The following RELN variants were observed in gnomAD, a reference collection of about 807,000 sequenced individuals.
The protein encoded by RELN is reelin.
A neutral mutation model predicts 427.6 loss-of-function variants in RELN; 108 were observed. That is an observed-to-expected ratio of 0.25 (90% confidence interval 0.22 to 0.30). RELN has a LOEUF of 0.30. Ranked by LOEUF, RELN falls within the 10% of genes least tolerant of loss-of-function variation. RELN has a pLI of 1.00. For synonymous variants in RELN, 1,524 were observed against 1,513.4 expected (o/e 1.01, Z -0.16); for missense variants, 3,715 against 4,302.8 (o/e 0.86, Z 3.82).
intron 2 of RELN, among the ~76,000 whole-genome samples, chr7:103,876,548 T>C (rs192255260): frequency 4.1e-4 from 63 of 152,324 alleles, no homozygotes; most frequent in African/African-American, 1.4e-3. Context: ...GTTTCTTCTA[T>C]TGACATTAGT....
intron 28 of RELN, among the ~76,000 whole-genome samples, chr7:103,580,453 G>T (rs1831104260): frequency 6.6e-6 from 1 of 152,208 alleles, no homozygotes; most frequent in Non-Finnish European, 1.5e-5. Context: ...TACATTGGGA[G>T]CCTCAAAGTA....
chr7:103,757,657 T>C (rs527859013), intron 4 of RELN, among the ~76,000 whole-genome samples: 13 of 152,278 alleles, frequency 8.5e-5, no homozygotes, highest in South Asian at 4.1e-4. Flanking sequence ...TAAAAAGATA[T>C]CGTAGTTTCT....
intron 7 of RELN, among the ~76,000 whole-genome samples, chr7:103,726,811 T>G (rs1790223597): frequency 6.6e-6 from 1 of 152,142 alleles, no homozygotes; most frequent in Non-Finnish European, 1.5e-5. Flanking sequence ...GGTATATTAT[T>G]TAAAATGTAC....
chr7:103,677,058 T>C (rs901438139), intron 11 of RELN, among the ~76,000 whole-genome samples: 2 of 151,262 alleles, frequency 1.3e-5, no homozygotes, highest in East Asian at 4.0e-4. Context: ...GTGCCACATA[T>C]ACACCATGGA....
chr7:103,532,422 C>T (rs1829961626), intron 46 of RELN, among the ~76,000 whole-genome samples: 1 of 151,880 alleles, frequency 6.6e-6, no homozygotes, highest in African/African-American at 2.4e-5. Context: ...AACAAACCTA[C>T]ACATCCTGCA....
intron 10 of RELN, among the ~76,000 whole-genome samples, chr7:103,690,043 G>T (rs1033361802): frequency 6.6e-6 from 1 of 152,054 alleles, no homozygotes; most frequent in Non-Finnish European, 1.5e-5. Flanking sequence ...TATAAAACTG[G>T]ATGGCAAGAT....
rs554684916 is a variant in RELN, at chr7:103,583,872, C to A, written c.4145+5724G>T. On this transcript the variant is annotated intron_variant, in intron 28 of 64. Coordinates refer to ENST00000428762, the MANE Select transcript of RELN (RefSeq NM_005045.4). Reference sequence around the variant, plus strand: ...CTACCCACACAAACTCTGACACTAGCATGGGTGGTGATTTGGAGACCCCGT... The same window carrying A: ...CTACCCACACAAACTCTGACACTAGAATGGGTGGTGATTTGGAGACCCCGT... Among the ~76,000 whole-genome samples the A allele has an allele frequency of 3.3e-5, 5 of 152,304 alleles. No individual in the cohort carries two copies. The South Asian group carries it at 1.0e-3, about 32-fold the overall frequency.
At chr7:103,733,518 T>C (rs1203934836) in intron 6 of RELN, among the ~76,000 whole-genome samples, 1 of 146,024 alleles carries the variant, frequency 6.8e-6, no homozygotes, top group African/African-American at 2.6e-5. Context: ...TTATTCACAA[T>C]AGCAAAGACT....
intron 20 of RELN, 117 bp from the exon 21 acceptor site, chr7:103,611,920 G>C: frequency 1.2e-6 from 1 of 818,076 alleles, no homozygotes; most frequent in Non-Finnish European, 2.0e-6. Flanking sequence ...TTTAAACCTT[G>C]CCAAATTCTA....
intron 46 of RELN, among the ~76,000 whole-genome samples, chr7:103,524,772 C>T (rs915058318): frequency 6.6e-6 from 1 of 152,136 alleles, no homozygotes; most frequent in African/African-American, 2.4e-5. Context: ...AAAATCTTCA[C>T]CTGAAATGAA....
chr7:103,605,502 G>C (rs1831797308), intron 22 of RELN, among the ~76,000 whole-genome samples: 1 of 152,162 alleles, frequency 6.6e-6, no homozygotes, highest in Non-Finnish European at 1.5e-5. Flanking sequence ...TGTCAAGAAG[G>C]TGTCTGTCTA....
intron 28 of RELN, among the ~76,000 whole-genome samples, chr7:103,587,781 C>T (rs1831311052): frequency 6.6e-6 from 1 of 152,084 alleles, no homozygotes; most frequent in Non-Finnish European, 1.5e-5. Context: ...GAAAAAATGT[C>T]AACATCACTA....
chr7:103,587,787 C>T (rs1391509564), intron 28 of RELN, among the ~76,000 whole-genome samples: 2 of 152,116 alleles, frequency 1.3e-5, no homozygotes, highest in African/African-American at 4.8e-5. Flanking sequence ...ATGTCAACAT[C>T]ACTAATCATC....
At chr7:103,488,272 C>T (rs1303323947) in intron 60 of RELN, among the ~76,000 whole-genome samples, 2 of 152,188 alleles carry the variant, frequency 1.3e-5, no homozygotes, top group Non-Finnish European at 2.9e-5. Context: ...TATTAGCAAA[C>T]GTGTATGTGC....
chr7:103,636,754 C>T (rs1363311804), intron 17 of RELN, among the ~76,000 whole-genome samples: 1 of 152,140 alleles, frequency 6.6e-6, no homozygotes, highest in Non-Finnish European at 1.5e-5. Flanking sequence ...ACATTTCCAA[C>T]TTAGAATATC....
intron 4 of RELN, among the ~76,000 whole-genome samples, chr7:103,762,073 C>G (rs951992267): frequency 6.6e-6 from 1 of 152,112 alleles, no homozygotes; most frequent in African/African-American, 2.4e-5. Context: ...CTCAGCGCCC[C>G]CCTATAGCTT....
At chr7:103,694,264 T>G (rs1833931645) in intron 10 of RELN, among the ~76,000 whole-genome samples, 1 of 152,124 alleles carries the variant, frequency 6.6e-6, no homozygotes, top group Admixed American at 6.6e-5. Context: ...CGTCAGTTAC[T>G]CACTACTTGT....
chr7:103,478,430 T>C (rs750124929), intron 63 of RELN, 36 bp from the exon 64 acceptor site: 2 of 747,186 alleles, frequency 2.7e-6, no homozygotes, highest in Admixed American at 1.8e-5. Context: ...TAATGAAATA[T>C]AACACAAGTT....
intron 6 of RELN, 48 bp from the exon 7 acceptor site, chr7:103,728,255 C>T (rs373596187): frequency 5.9e-5 from 91 of 1,540,486 alleles, no homozygotes; most frequent in African/African-American, 1.2e-4. Flanking sequence ...AAGTAGCACA[C>T]GTGGTTTACT....
Sources: allele counts gnomAD v4.1 joint callset (sites outside exome capture counted in the v4.1 genomes callset), GRCh38; gene constraint gnomAD v4.1.1; transcripts MANE v1.5; gene names NCBI Gene and HGNC (gene_info 2026-07-23, HGNC 2026-07-21).